The following CCBE1 variants were observed in gnomAD, a reference collection of about 807,000 sequenced individuals.
The protein encoded by CCBE1 is collagen and calcium-binding EGF domain-containing protein 1.
Under a neutral mutation model 50.0 loss-of-function variants are expected in CCBE1, and 37 were observed. The observed-to-expected ratio is 0.74, with a 90% CI of 0.57 to 0.97. CCBE1 has a LOEUF of 0.97. Ranked by LOEUF, CCBE1 falls within the 50% of genes least tolerant of loss-of-function variation. The pLI, the probability that CCBE1 is intolerant of heterozygous loss-of-function variation, is 0.00. For missense variants in CCBE1, 538 were observed against 523.8 expected, an observed-to-expected ratio of 1.03 and a Z score of -0.26; for synonymous variants, 234 against 203.7, an observed-to-expected ratio of 1.15 and a Z score of -1.27.
chr18:59,595,196 A>T (rs1418264749), intron 2 of CCBE1, among the ~76,000 whole-genome samples: 1 of 148,914 alleles, frequency 6.7e-6, no homozygotes, highest in African/African-American at 2.5e-5. Flanking sequence ...TCCCTTGCAC[A>T]GGCCTGGCCA....
intron 2 of CCBE1, among the ~76,000 whole-genome samples, chr18:59,652,479 C>T (rs977428171): frequency 1.8e-5 from 2 of 109,626 alleles, no homozygotes; most frequent in African/African-American, 5.8e-5. Context: ...CTGACTCCCC[C>T]CCTTTTTTTT....
At chr18:59,499,690 G>A (rs756698248) in intron 2 of CCBE1, among the ~76,000 whole-genome samples, 6 of 152,184 alleles carry the variant, frequency 3.9e-5, no homozygotes, top group Non-Finnish European at 8.8e-5. Flanking sequence ...CCCACAACAC[G>A]TGGGAATTCA....
At chr18:59,537,578 G>C (rs1256631152) in intron 2 of CCBE1, among the ~76,000 whole-genome samples, 2 of 152,164 alleles carry the variant, frequency 1.3e-5, no homozygotes, top group African/African-American at 4.8e-5. Flanking sequence ...CAGCCACGTG[G>C]AACTGTGAGT....
Position 59,680,304 on chromosome 18 carries a change from A to G in CCBE1, c.212+16325T>C, listed in dbSNP as rs553948737. On this transcript the variant is annotated intron_variant, in intron 2 of 10. Transcript: ENST00000439986. ...AGGGAGCAGAGGGGTGACTTTGAAT[A>G]GAATGGGAGGCAAGCTGGCCCTAAG... is the stretch of plus-strand genomic sequence containing the variant. Among the ~76,000 whole-genome samples the G allele has an allele frequency of 2.1e-4, 32 of 152,086 alleles. No individual in the cohort carries two copies. The South Asian group carries it at 5.8e-3, about 28-fold the overall frequency.
intron 1 of CCBE1, 116 bp from the exon 2 acceptor site, chr18:59,696,825 G>A (rs1207669159): frequency 6.0e-6 from 7 of 1,159,192 alleles, no homozygotes; most frequent in Admixed American, 1.8e-5. Context: ...CCGGCGCTCT[G>A]GGCAGGGGCT....
At chr18:59,453,036 A>G (rs1290848035) in intron 6 of CCBE1, among the ~76,000 whole-genome samples, 2 of 152,148 alleles carry the variant, frequency 1.3e-5, no homozygotes, top group African/African-American at 4.8e-5. Flanking sequence ...CCACTTCTTT[A>G]TTTTTATACA....
intron 2 of CCBE1, among the ~76,000 whole-genome samples, chr18:59,566,513 C>T (rs1369957999): frequency 6.6e-6 from 1 of 152,068 alleles, no homozygotes; most frequent in African/African-American, 2.4e-5. Context: ...AACTTTAAAT[C>T]GCCAGATTTA....
intron 2 of CCBE1, among the ~76,000 whole-genome samples, chr18:59,649,408 C>T (rs2144662909): frequency 6.6e-6 from 1 of 152,334 alleles, no homozygotes; most frequent in Non-Finnish European, 1.5e-5. Context: ...TCACACCCAG[C>T]CCTCAAGTTT....
chr18:59,439,954 G>GTTTTAAACTCCATC, intron 7 of CCBE1, 138 bp from the exon 8 acceptor site: 2 of 876,636 alleles, frequency 2.3e-6, no homozygotes, highest in South Asian at 3.4e-5. Flanking sequence ...CCATCAGGCT[G>GTTTTAAACTCCATC]TCCCACAGGC....
intron 2 of CCBE1, among the ~76,000 whole-genome samples, chr18:59,619,253 G>A (rs999921283): frequency 6.6e-6 from 1 of 152,046 alleles, no homozygotes; most frequent in Admixed American, 6.5e-5. Context: ...ATGTGAGGAG[G>A]GGTACTAAAT....
Position 59,432,404 on chromosome 18 carries a change from C to T in CCBE1, c.*3504G>A, listed in dbSNP as rs1033372212. The T allele has an allele frequency of 6.6e-6, 1 of 152,062 alleles. No homozygotes were observed. Among genetic ancestry groups the T allele is most frequent in the Non-Finnish European group, 1.5e-5 (1 of 68,004 alleles). The allele number at this position is 152,062 out of a possible 1,614,324, so 9.4% of individuals were successfully genotyped here. A position where few individuals can be genotyped will look rare whatever the true frequency, so the allele number is the denominator to read the frequency against. On this transcript the variant is annotated 3_prime_UTR_variant, in exon 11 of 11. Transcript: ENST00000439986. ...GAGGAGGTGTACAAAGATCTTTTTC[C>T]CTATAAAACATGAAATGACCTAGAA...
chr18:59,505,271 G>A (rs1035060298), intron 2 of CCBE1, among the ~76,000 whole-genome samples: 2 of 152,130 alleles, frequency 1.3e-5, no homozygotes, highest in African/African-American at 4.8e-5. Flanking sequence ...CCACATGATG[G>A]CATCCTCAAA....
At chr18:59,678,781 C>T (rs1377218061) in intron 2 of CCBE1, among the ~76,000 whole-genome samples, 1 of 152,192 alleles carries the variant, frequency 6.6e-6, no homozygotes, top group Non-Finnish European at 1.5e-5. Context: ...GATCCACCCA[C>T]TTTGATCTCC....
intron 2 of CCBE1, among the ~76,000 whole-genome samples, chr18:59,517,199 A>G (rs1278971243): frequency 1.3e-5 from 2 of 152,222 alleles, no homozygotes; most frequent in African/African-American, 2.4e-5. Flanking sequence ...TGTAGACAAC[A>G]TTGCTAAAGC....
At chr18:59,659,766 C>T (rs1264037227) in intron 2 of CCBE1, among the ~76,000 whole-genome samples, 1 of 152,162 alleles carries the variant, frequency 6.6e-6, no homozygotes, top group Non-Finnish European at 1.5e-5. Flanking sequence ...CCTGAACCGA[C>T]TGAAGCAGAA....
chr18:59,578,315 G>A (rs542284907), intron 2 of CCBE1, among the ~76,000 whole-genome samples: 4 of 152,356 alleles, frequency 2.6e-5, no homozygotes, highest in Admixed American at 2.0e-4. Flanking sequence ...TGGAGAGGAT[G>A]TGGAGAAATA....
chr18:59,661,222 C>A (rs892657238), intron 2 of CCBE1, among the ~76,000 whole-genome samples: 1 of 140,894 alleles, frequency 7.1e-6, no homozygotes, highest in African/African-American at 2.5e-5. Context: ...TGGTCTAGCA[C>A]AAAAGGAGTT....
intron 2 of CCBE1, among the ~76,000 whole-genome samples, chr18:59,494,959 G>C (rs1432379544): frequency 6.6e-6 from 1 of 152,144 alleles, no homozygotes; most frequent in Non-Finnish European, 1.5e-5. Context: ...TCTGAGACCA[G>C]CCTGGCCAAC....
At chr18:59,488,879 C>A (rs984634204) in intron 2 of CCBE1, among the ~76,000 whole-genome samples, 4 of 152,012 alleles carry the variant, frequency 2.6e-5, no homozygotes, top group African/African-American at 9.7e-5. Flanking sequence ...TTGTGTCTCC[C>A]CCACCGAGCC....
Sources: gnomAD v4.1 joint callset for allele counts (sites outside exome capture counted in the v4.1 genomes callset) on GRCh38, gnomAD v4.1.1 for gene constraint, MANE v1.5 for transcripts, NCBI Gene and HGNC (gene_info 2026-07-23, HGNC 2026-07-21) for gene names.